RAG1: variants seen among roughly 807,000 people sequenced by gnomAD.
RAG1 encodes the protein recombination activating 1.
Under a neutral mutation model 62.7 loss-of-function variants are expected in RAG1, and 35 were observed. The ratio of observed to expected loss-of-function variants is 0.56; its 90% confidence interval spans 0.43 to 0.74. The LOEUF (loss-of-function observed/expected upper bound fraction) is 0.74. Among genes scored for constraint, RAG1 ranks in the 30% least tolerant of loss-of-function variants. The pLI, the probability that RAG1 is intolerant of heterozygous loss-of-function variation, is 0.00. For synonymous variants in RAG1, 461 were observed against 470.3 expected (o/e 0.98, Z 0.26); for missense variants, 1,169 against 1,278.6 (o/e 0.91, Z 1.31).
At chr11:36,551,620 A>C (rs1360018858) in intron 3 of RAG1, among the ~76,000 whole-genome samples, 1 of 62,918 alleles carries the variant, frequency 1.6e-5, no homozygotes, top group Admixed American at 1.6e-4. Flanking sequence ...TTTTTTTTTT[A>C]TTATACTCTA....
chr11:36,561,655 A>T (rs1850585909), intron 3 of RAG1, among the ~76,000 whole-genome samples: 1 of 152,036 alleles, frequency 6.6e-6, no homozygotes, highest in African/African-American at 2.4e-5. Flanking sequence ...GGAAGGGTAA[A>T]TTTTTTTCTC....
intron 1 of RAG1, among the ~76,000 whole-genome samples, chr11:36,569,413 G>C (rs914224870): frequency 6.6e-6 from 1 of 152,218 alleles, no homozygotes; most frequent in South Asian, 2.1e-4. Flanking sequence ...TCAAGCATTT[G>C]CAAGGTTTCT....
intron 3 of RAG1, among the ~76,000 whole-genome samples, chr11:36,546,928 C>G (rs1377161342): frequency 2.6e-5 from 4 of 152,192 alleles, no homozygotes. Flanking sequence ...GACATCCGCT[C>G]TTAGTCTGAT....
chr11:36,537,834 C>T (rs1860355462), downstream of RAG1, among the ~76,000 whole-genome samples: 1 of 152,156 alleles, frequency 6.6e-6, no homozygotes, highest in South Asian at 2.1e-4. Flanking sequence ...TGTCTTTTCA[C>T]CATTTCACTT....
intron 1 of RAG1, among the ~76,000 whole-genome samples, chr11:36,512,903 C>G (rs980688672): frequency 1.3e-5 from 2 of 152,160 alleles, no homozygotes; most frequent in African/African-American, 2.4e-5. Context: ...GTCTCCATAT[C>G]TTCTATAGTT....
rs970368524 is a variant in RAG1 at position 36,576,992 on chromosome 11, T to A, written c.*556T>A. The A allele has an allele frequency of 1.2e-5, 2 of 170,958 alleles. No homozygotes were observed. Among genetic ancestry groups the A allele is most frequent in the African/African-American group, 4.8e-5 (2 of 41,480 alleles). 10.6% of individuals were successfully genotyped at this position (170,958 alleles called of 1,614,324 possible). On this transcript the variant is annotated 3_prime_UTR_variant, in exon 2 of 2. Coordinates refer to ENST00000299440, the MANE Select transcript of RAG1 (RefSeq NM_000448.3). ...CTTACATTTGTACAGCATGATGACC[T>A]TTACAAAGTGCTCTCAATGCATTTA...
rs1375626545 is a variant in RAG1 at position 36,574,719 on chromosome 11, C to T, written c.1415C>T (p.Ala472Val). The T allele has an allele frequency of 6.2e-7, 1 of 1,614,080 alleles. No individual in the cohort carries two copies. Among genetic ancestry groups the T allele is most frequent in the Non-Finnish European group, 8.5e-7 (1 of 1,180,046 alleles). The change falls in exon 2 of 2, where the codon GCC becomes GTC. Residue 472 changes from alanine (A) to valine (V), a missense_variant. Physicochemically the swap from Ala to Val is moderately conservative, Grantham distance 64. Transcript: ENST00000299440. ...GSGLQPAVCL[A>V]IRVNTFLSCS... ...GGCCTGCAGCCAGCTGTTTGCTTGG[C>T]CATCCGTGTCAACACCTTCCTCAGC...
At chr11:36,550,672 A>G (rs1180334569) in intron 3 of RAG1, among the ~76,000 whole-genome samples, 1 of 152,130 alleles carries the variant, frequency 6.6e-6, no homozygotes, top group African/African-American at 2.4e-5. Context: ...AAGAGTTTAA[A>G]TGATGTCATC....
chr11:36,575,511 C>G lies in RAG1; in HGVS notation c.2207C>G (p.Thr736Ser). ...TACATTTGTACTCTTTGTGATGCCACCCGTCTGGAAGCCTCTCAAAATCTT... is the reference window on the plus strand; with the variant it reads ...TACATTTGTACTCTTTGTGATGCCAGCCGTCTGGAAGCCTCTCAAAATCTT... The part of the protein sequence containing the change: ...SVYICTLCDA[T>S]RLEASQNLVF... The change falls in exon 2 of 2, where the codon ACC becomes AGC. Residue 736 changes from threonine to serine, a missense_variant. Coordinates refer to ENST00000299440, the MANE Select transcript of RAG1 (RefSeq NM_000448.3). The surrounding 1 kb of genome is among the most constrained non-coding windows in gnomAD (Gnocchi z 4.1). 6.2e-7 allele frequency: 1 copy of G among 1,614,234 alleles called. No homozygotes were observed. Among genetic ancestry groups the G allele is most frequent in the Non-Finnish European group, 8.5e-7 (1 of 1,180,044 alleles).
chr11:36,574,075 C>T lies in RAG1; in HGVS notation c.771C>T (p.Ile257=). 6.2e-7 allele frequency: 1 copy of T among 1,614,146 alleles called. No homozygotes were observed. Among genetic ancestry groups the T allele is most frequent in the East Asian group, 2.2e-5 (1 of 44,866 alleles). ...ACAAGAGAAGAGCTCAGGCAAGGATCAGCAGCAAGGATGTCATGAAGAAGA... is the reference window on the plus strand; with the variant it reads ...ACAAGAGAAGAGCTCAGGCAAGGATTAGCAGCAAGGATGTCATGAAGAAGA... ...RQHKRRAQAR[I]SSKDVMKKIA... Residue 257 remains isoleucine, a synonymous_variant, in exon 2 of 2, where the codon ATC becomes ATT. Coordinates refer to ENST00000299440, the MANE Select transcript of RAG1 (RefSeq NM_000448.3).
chr11:36,523,384 T>C (rs1860111531), intron 2 of RAG1, among the ~76,000 whole-genome samples: 1 of 152,200 alleles, frequency 6.6e-6, no homozygotes, highest in Non-Finnish European at 1.5e-5. Flanking sequence ...CCATGTAAGA[T>C]GTGACTTGCT....
At chr11:36,528,217 T>G (rs1218510283) in intron 2 of RAG1, among the ~76,000 whole-genome samples, 1 of 152,148 alleles carries the variant, frequency 6.6e-6, no homozygotes. Flanking sequence ...ATCACACTTA[T>G]TCTAAAATTG....
At position 36,574,533 on chromosome 11, in the gene RAG1, G is replaced by A. The variant is rs199474684; in HGVS notation, c.1229G>A (p.Arg410Gln). The A allele has an allele frequency of 9.3e-6, 15 of 1,614,120 alleles. No individual in the cohort carries two copies. The highest frequency in any genetic ancestry group is 2.2e-5 in the East Asian group (1 of 44,898). The change falls in exon 2 of 2, where the codon CGG becomes CAG. Residue 410 changes from arginine to glutamine, a missense_variant. Coordinates refer to ENST00000299440, the MANE Select transcript of RAG1 (RefSeq NM_000448.3). The stretch of plus-strand genomic sequence containing the variant: ...CTGACTCGGAGAGCTCAGAAGCACC[G>A]GCTGAGGGAGCTCAAGCTGCAAGTC... ...LSLTRRAQKH[R>Q]LRELKLQVKA...
chr11:36,520,565 T>C (rs1860063493), intron 2 of RAG1, among the ~76,000 whole-genome samples: 1 of 152,116 alleles, frequency 6.6e-6, no homozygotes, highest in Non-Finnish European at 1.5e-5. Flanking sequence ...GCATGAGCCA[T>C]GGCGCCTGGC....
chr11:36,540,489 C>A (rs1860399248), downstream of RAG1, among the ~76,000 whole-genome samples: 2 of 152,136 alleles, frequency 1.3e-5, no homozygotes, highest in Admixed American at 1.3e-4. Flanking sequence ...ACTGCAAGCT[C>A]CACCTCCCGG....
In RAG1 at chr11:36,573,867, G is replaced by T. The variant is rs1178662993; in HGVS notation, c.563G>T (p.Ser188Ile). The T allele has an allele frequency of 1.3e-5, 21 of 1,614,134 alleles. No individual in the cohort carries two copies. Among genetic ancestry groups the T allele is most frequent in the Non-Finnish European group, 1.8e-5 (21 of 1,180,034 alleles). Residue 188 changes from serine to isoleucine, a missense_variant, in exon 2 of 2, where the codon AGC (serine) becomes ATC (isoleucine). Physicochemically the swap from Ser to Ile is moderately radical, Grantham distance 142. Around this residue, in one of 2 missense-constraint regions of RAG1, gnomAD observed 369 missense variants for 335.3 expected, o/e 1.10. Transcript: ENST00000299440. ...TGGAGCATCATGCACAGGAAGTTTA[G>T]CAGTGCCCCATGTGAGGTTTACTTC... is the stretch of plus-strand genomic sequence containing the variant. The part of the protein sequence containing the change: ...NCWSIMHRKF[S>I]SAPCEVYFPR...
intron 3 of RAG1, among the ~76,000 whole-genome samples, chr11:36,558,492 C>A (rs1407111529): frequency 6.6e-6 from 1 of 152,136 alleles, no homozygotes; most frequent in East Asian, 1.9e-4. Context: ...TATCCTCTTA[C>A]TGAATTGATT....
intron 3 of RAG1, among the ~76,000 whole-genome samples, chr11:36,548,929 A>G (rs878962038): frequency 6.6e-6 from 1 of 152,206 alleles, no homozygotes; most frequent in African/African-American, 2.4e-5. Flanking sequence ...ACAGGTATAT[A>G]GACCCATGGA....
At chr11:36,548,553 TC>T (rs1049730137) in intron 3 of RAG1, among the ~76,000 whole-genome samples, 2 of 152,006 alleles carry the variant, frequency 1.3e-5, no homozygotes, top group Non-Finnish European at 2.9e-5. Context: ...TACCTAGGAA[TC>T]CAACTTACAA....
Sources: allele counts gnomAD v4.1 joint callset (sites outside exome capture counted in the v4.1 genomes callset), GRCh38; gene constraint gnomAD v4.1.1; regional missense constraint gnomAD v4.1.1; non-coding constraint Gnocchi (gnomAD v3.1); transcripts MANE v1.5; gene names NCBI Gene and HGNC (gene_info 2026-07-23, HGNC 2026-07-21).